TBC1D30: variants seen among roughly 807,000 people sequenced by gnomAD.
TBC1D30 encodes the protein TBC1 domain family member 30, also known as TBC1 domain family, member 30.
Under a neutral mutation model 63.2 loss-of-function variants are expected in TBC1D30, and 31 were observed. That is an observed-to-expected ratio of 0.49 (90% confidence interval 0.37 to 0.66). The LOEUF (loss-of-function observed/expected upper bound fraction) is 0.66, where lower values mean the gene tolerates loss of function less well. Ranked by LOEUF, TBC1D30 falls within the 30% of genes least tolerant of loss-of-function variation. The pLI, the probability that TBC1D30 is intolerant of heterozygous loss-of-function variation, is 0.00. For synonymous variants in TBC1D30, 307 were observed against 361.5 expected, an observed-to-expected ratio of 0.85 and a Z score of 1.71; for missense variants, 810 against 953.6, an observed-to-expected ratio of 0.85 and a Z score of 1.98.
chr12:64,842,893 A>G (rs1371620911), intron 7 of TBC1D30, among the ~76,000 whole-genome samples: 1 of 152,192 alleles, frequency 6.6e-6, no homozygotes, highest in Non-Finnish European at 1.5e-5. Context: ...CAAAACGAGT[A>G]CCTCAAAGTT....
chr12:64,836,525 A>C lies in TBC1D30; in HGVS notation c.630A>C (p.Glu210Asp). 1 of 1,535,768 alleles carries C rather than the reference A, an allele frequency of 6.5e-7. No individual in the cohort carries two copies. The highest frequency in any genetic ancestry group is 8.7e-7 in the Non-Finnish European group (1 of 1,146,756). Residue 210 changes from glutamate (E) to aspartate (D), a missense_variant, in exon 6 of 12, where the codon GAA becomes GAC. By Grantham distance (45) the Glu-to-Asp change is conservative. Around this residue, in one of 4 missense-constraint regions of TBC1D30, gnomAD observed 272 missense variants for 335.9 expected, o/e 0.81. Transcript: ENST00000539867. ...MIYLIDKVLP[E>D]SYFVNNLRAL... ...ACCTTATTGATAAGGTACTTCCCGA[A>C]AGCTATTTCGTCAATAATCTCCGGG...
At position 64,874,996 on chromosome 12, in the gene TBC1D30, T is replaced by C; in HGVS notation, c.1499-5T>C. On this transcript the variant is annotated splice_polypyrimidine_tract_variant and splice_region_variant and intron_variant, in intron 11 of 11. Transcript: ENST00000539867. ...CTTCATACTACCTTTCAACATTTCT[T>C]TCAGACAAAGGGCCAGTGACCAGCA... 1 of 1,533,208 alleles carries C rather than the reference T, an allele frequency of 6.5e-7. No homozygotes were observed. Among genetic ancestry groups the C allele is most frequent in the East Asian group, 2.4e-5 (1 of 40,870 alleles). The allele number at this position is 1,533,208 out of a possible 1,614,324, so 95.0% of individuals were successfully genotyped here. A position where few individuals can be genotyped will look rare whatever the true frequency, so the allele number is the denominator to read the frequency against.
intron 2 of TBC1D30, among the ~76,000 whole-genome samples, chr12:64,794,516 C>CA (rs1872134859): frequency 2.0e-5 from 3 of 152,186 alleles, no homozygotes; most frequent in Admixed American, 1.3e-4. Context: ...TGGCTCACTG[C>CA]AGCCTTGACC....
intron 8 of TBC1D30, among the ~76,000 whole-genome samples, chr12:64,847,014 T>C (rs952005954): frequency 2.0e-5 from 3 of 152,132 alleles, no homozygotes; most frequent in African/African-American, 7.2e-5. Context: ...ATAGAGATGC[T>C]AGTGATTTTT....
intron 2 of TBC1D30, among the ~76,000 whole-genome samples, chr12:64,797,522 A>G (rs4964098): frequency 1 from 151,802 of 152,338 alleles, 75,635 homozygotes; most frequent in Middle Eastern, 1. Flanking sequence ...CTACCTAGCT[A>G]ACTGCAGCTG....
chr12:64,873,761 A>G (rs1878835063), intron 11 of TBC1D30, among the ~76,000 whole-genome samples: 1 of 152,236 alleles, frequency 6.6e-6, no homozygotes, highest in African/African-American at 2.4e-5. Flanking sequence ...TGGAGGGCCA[A>G]TCACAGTGAC....
At chr12:64,792,252 C>G (rs1166002866) in intron 2 of TBC1D30, among the ~76,000 whole-genome samples, 1 of 152,220 alleles carries the variant, frequency 6.6e-6, no homozygotes, top group African/African-American at 2.4e-5. Flanking sequence ...ATGTTAAAAG[C>G]TCCCTGTGTG....
intron 2 of TBC1D30, among the ~76,000 whole-genome samples, chr12:64,803,614 T>G (rs1184580552): frequency 1.3e-5 from 2 of 152,194 alleles, no homozygotes; most frequent in Non-Finnish European, 2.9e-5. Context: ...TTTTCTTCTA[T>G]GGTTTTTATG....
chr12:64,765,916 A>G (rs373595745), intron 1 of TBC1D30, among the ~76,000 whole-genome samples: 16 of 151,766 alleles, frequency 1.1e-4, no homozygotes, highest in African/African-American at 3.9e-4. Flanking sequence ...GGAGGCTGAG[A>G]TGGGAGGATC....
chr12:64,764,198 T>C (rs1043470316), intron 1 of TBC1D30, among the ~76,000 whole-genome samples: 5 of 152,238 alleles, frequency 3.3e-5, no homozygotes, highest in African/African-American at 1.2e-4. Context: ...TAGTATTTGG[T>C]GTTTGGTTAT....
At chr12:64,822,611 ACCTCAG>A (rs1171508208), upstream of TBC1D30, among the ~76,000 whole-genome samples, 2 of 147,442 alleles carry the variant, frequency 1.4e-5, no homozygotes, top group Non-Finnish European at 3.0e-5. Flanking sequence ...TGATCCTCCC[ACCTCAG>A]CCTCCTGAGT....
intron 2 of TBC1D30, among the ~76,000 whole-genome samples, chr12:64,818,004 A>G (rs1261079796): frequency 6.6e-6 from 1 of 151,428 alleles, no homozygotes. Context: ...TGGAGGTTGC[A>G]GTGAGCCGAC....
At chr12:64,795,331 T>C (rs1019387564) in intron 2 of TBC1D30, among the ~76,000 whole-genome samples, 5 of 152,188 alleles carry the variant, frequency 3.3e-5, no homozygotes, top group African/African-American at 1.2e-4. Context: ...GCATTCAGTA[T>C]GCATATGGCC....
chr12:64,856,743 A>G (rs1429030298), intron 8 of TBC1D30, among the ~76,000 whole-genome samples: 1 of 152,104 alleles, frequency 6.6e-6, no homozygotes, highest in Non-Finnish European at 1.5e-5. Flanking sequence ...GATTGGAGTT[A>G]AAAACCTTAG....
upstream of TBC1D30, among the ~76,000 whole-genome samples, chr12:64,820,073 T>A (rs1873797885): frequency 6.6e-6 from 1 of 152,138 alleles, no homozygotes. Context: ...TCTCTCCTCA[T>A]AGCAGGCTTC....
chr12:64,852,248 G>A (rs553369917), intron 8 of TBC1D30, among the ~76,000 whole-genome samples: 28 of 151,328 alleles, frequency 1.9e-4, no homozygotes, highest in African/African-American at 4.8e-4. Context: ...TCTTATCTTC[G>A]TGCTTTATTT....
rs1209681210 is a variant in TBC1D30, at chr12:64,838,819, G to C, written c.900G>C (p.Arg300Ser). 1 of 1,536,026 alleles carries C rather than the reference G, an allele frequency of 6.5e-7. No individual in the cohort carries two copies. The highest frequency in any genetic ancestry group is 2.4e-5 in the East Asian group (1 of 40,908). ...VFFEGSEIIL[R>S]VSLAIWAKLG... ...TTGAAGGTTCAGAAATCATCCTAAG[G>C]GTGTCGCTGGCTATCTGGGCAAAAT... Residue 300 changes from arginine (R) to serine (S), a missense_variant, in exon 7 of 12, where the codon AGG becomes AGC. Arg to Ser is a moderately radical substitution (Grantham distance 110). Transcript: ENST00000539867.
chr12:64,829,262 G>A lies in TBC1D30; in HGVS notation c.282+753G>A, dbSNP rs143847196. Among the ~76,000 whole-genome samples the A allele has an allele frequency of 2.0e-4, 30 of 152,272 alleles. No individual in the cohort carries two copies. In the East Asian group the frequency reaches 5.2e-3, roughly 26 times the overall value. On this transcript the variant is annotated intron_variant, in intron 3 of 11. Coordinates refer to ENST00000539867, the MANE Select transcript of TBC1D30 (RefSeq NM_015279.2). The stretch of plus-strand genomic sequence containing the variant: ...TGACTTGAGAATATGAGAGACAAGG[G>A]CTGAAGTAGGGAGACCAGTAGGAGA...
intron 8 of TBC1D30, among the ~76,000 whole-genome samples, chr12:64,848,182 C>G (rs551478183): frequency 9.9e-5 from 15 of 151,896 alleles, no homozygotes; most frequent in Admixed American, 2.6e-4. Context: ...TCTATTTTTT[C>G]TGATGGAAGT....
Sources: gnomAD v4.1 joint callset for allele counts (sites outside exome capture counted in the v4.1 genomes callset) on GRCh38, gnomAD v4.1.1 for gene constraint, gnomAD v4.1.1 regional missense constraint, MANE v1.5 for transcripts, NCBI Gene and HGNC (gene_info 2026-07-23, HGNC 2026-07-21) for gene names.